Variants in DLGAP2 observed in about 807,000 individuals in gnomAD.
DLGAP2 encodes the protein disks large-associated protein 2.
DLGAP2 carries 26 observed loss-of-function variants against 100.3 expected under a neutral mutation model. The ratio of observed to expected loss-of-function variants is 0.26; its 90% confidence interval spans 0.19 to 0.36. The LOEUF (loss-of-function observed/expected upper bound fraction) is 0.36, where lower values mean the gene tolerates loss of function less well. Ranked by LOEUF, DLGAP2 falls within the 10% of genes least tolerant of loss-of-function variation. The probability of loss-of-function intolerance (pLI) is 1.00; values close to 1 mark genes in which losing one functional copy is unlikely to be tolerated. For synonymous variants in DLGAP2, 886 were observed against 630.1 expected, an observed-to-expected ratio of 1.41 and a Z score of -6.08; for missense variants, 1,858 against 1,453.2, an observed-to-expected ratio of 1.28 and a Z score of -4.53.
chr8:1,561,129 C>G (rs1410196412), intron 5 of DLGAP2, among the ~76,000 whole-genome samples: 1 of 152,116 alleles, frequency 6.6e-6, no homozygotes, highest in East Asian at 1.9e-4. Context: ...GGGAGTTCCC[C>G]TGCACACACT....
intron 3 of DLGAP2, among the ~76,000 whole-genome samples, chr8:1,363,485 C>T (rs183829632): frequency 1.3e-5 from 2 of 152,366 alleles, no homozygotes; most frequent in East Asian, 1.9e-4. Flanking sequence ...CAGTGATGGC[C>T]TTGTCCACAA....
At chr8:869,716 A>C (rs1797561552) in intron 1 of DLGAP2, among the ~76,000 whole-genome samples, 1 of 152,236 alleles carries the variant, frequency 6.6e-6, no homozygotes, top group Non-Finnish European at 1.5e-5. Flanking sequence ...GGGATCAGGA[A>C]GTGCTTGGGA....
chr8:1,381,654 G>A (rs540462801), intron 3 of DLGAP2, among the ~76,000 whole-genome samples: 1 of 152,284 alleles, frequency 6.6e-6, no homozygotes, highest in South Asian at 2.1e-4. Flanking sequence ...AGTTCCACAA[G>A]TAAGTGAGGC....
chr8:1,507,218 T>C (rs1186125488), intron 4 of DLGAP2, among the ~76,000 whole-genome samples: 1 of 152,182 alleles, frequency 6.6e-6, no homozygotes, highest in Non-Finnish European at 1.5e-5. Context: ...GCAGCGTCCA[T>C]CAGGGAGGCT....
At chr8:1,453,691 C>G (rs1479597267) in intron 3 of DLGAP2, among the ~76,000 whole-genome samples, 1 of 152,148 alleles carries the variant, frequency 6.6e-6, no homozygotes, top group Non-Finnish European at 1.5e-5. Flanking sequence ...GCCTGAGAAG[C>G]GGGAGAATCC....
At chr8:1,465,069 C>G (rs1314567768) in intron 3 of DLGAP2, among the ~76,000 whole-genome samples, 1 of 152,240 alleles carries the variant, frequency 6.6e-6, no homozygotes. Context: ...GGGTCACCAG[C>G]CAGGGATCCC....
At chr8:834,246 A>G (rs1244414523) in intron 1 of DLGAP2, among the ~76,000 whole-genome samples, 1 of 152,164 alleles carries the variant, frequency 6.6e-6, no homozygotes. Context: ...TTGTGACCCC[A>G]TACGCCCCTG....
chr8:869,930 G>C (rs190868282), intron 1 of DLGAP2, among the ~76,000 whole-genome samples: 116 of 151,804 alleles, frequency 7.6e-4, no homozygotes, highest in African/African-American at 2.6e-3. Flanking sequence ...AGGGAGTACA[G>C]AATGAGGTTA....
chr8:1,010,247 C>T (rs555744223), intron 2 of DLGAP2, among the ~76,000 whole-genome samples: 43 of 152,078 alleles, frequency 2.8e-4, no homozygotes, highest in Non-Finnish European at 5.3e-4. Flanking sequence ...CACATGTGCC[C>T]ACATATGCGC....
In DLGAP2 at chr8:1,601,046, T is replaced by C. The variant is rs545448636; in HGVS notation, c.1443-25694T>C. ...TTCTTTGATGCTGGTGACTTTCGGA[T>C]AGGGTTTTGGTGTAGACGTCCTTTT... On this transcript the variant is annotated intron_variant, in intron 6 of 14. Transcript: ENST00000637795. 1.7e-4 allele frequency among the ~76,000 whole-genome samples: 26 copies of C among 152,308 alleles called. No homozygotes were observed. The South Asian group carries it at 4.1e-3, about 24-fold the overall frequency.
intron 3 of DLGAP2, among the ~76,000 whole-genome samples, chr8:1,429,825 A>T (rs1428225247): frequency 6.6e-6 from 1 of 150,836 alleles, no homozygotes; most frequent in Non-Finnish European, 1.5e-5. Flanking sequence ...CTGTCCTTAA[A>T]AAAAATAAGC....
At chr8:1,321,867 A>C (rs940801523) in intron 3 of DLGAP2, among the ~76,000 whole-genome samples, 1 of 152,228 alleles carries the variant, frequency 6.6e-6, no homozygotes, top group Non-Finnish European at 1.5e-5. Flanking sequence ...GTTTCCAATT[A>C]GTGGAATTAA....
intron 2 of DLGAP2, among the ~76,000 whole-genome samples, chr8:1,229,074 G>T (rs748702638): frequency 6.6e-6 from 1 of 152,148 alleles, no homozygotes; most frequent in African/African-American, 2.4e-5. Context: ...AATTCAGCAA[G>T]ATTGTAGGAT....
chr8:1,031,771 A>G (rs1045723066), intron 2 of DLGAP2, among the ~76,000 whole-genome samples: 2 of 152,382 alleles, frequency 1.3e-5, no homozygotes, highest in African/African-American at 4.8e-5. Context: ...GTACATTTTT[A>G]TTAAGAATGA....
chr8:752,277 A>C (rs375205617), intron 1 of DLGAP2, among the ~76,000 whole-genome samples: 268 of 152,290 alleles, frequency 1.8e-3, no homozygotes, highest in African/African-American at 5.8e-3. Context: ...GATAATCCCC[A>C]GGCTGCCGGC....
intron 1 of DLGAP2, among the ~76,000 whole-genome samples, chr8:839,126 T>G (rs1796935366): frequency 6.6e-6 from 1 of 152,096 alleles, no homozygotes; most frequent in Non-Finnish European, 1.5e-5. Context: ...ACCCTAGTGC[T>G]CTGTTGGTGG....
chr8:1,506,108 T>C (rs1043612485), intron 4 of DLGAP2, among the ~76,000 whole-genome samples: 2 of 152,242 alleles, frequency 1.3e-5, no homozygotes, highest in African/African-American at 4.8e-5. Context: ...TTTTATATAA[T>C]AGAACATCAG....
chr8:1,073,659 A>C (rs543852996), intron 2 of DLGAP2, among the ~76,000 whole-genome samples: 123 of 152,358 alleles, frequency 8.1e-4, no homozygotes, highest in African/African-American at 2.9e-3. Context: ...CCCTGCACAG[A>C]GGAGCTGTGT....
At chr8:965,788 C>T (rs6989496) in intron 2 of DLGAP2, among the ~76,000 whole-genome samples, 1 of 148,536 alleles carries the variant, frequency 6.7e-6, no homozygotes, top group African/African-American at 2.5e-5. Context: ...GCACTGTTCA[C>T]CACACAGGGC....
Sources: allele counts gnomAD v4.1 joint callset (sites outside exome capture counted in the v4.1 genomes callset), GRCh38; gene constraint gnomAD v4.1.1; transcripts MANE v1.5; gene names NCBI Gene and HGNC (gene_info 2026-07-23, HGNC 2026-07-21).